Variants in SCMH1 observed in about 807,000 individuals in gnomAD.
SCMH1 encodes Scm polycomb group protein homolog 1, also known as polycomb protein SCMH1.
Under a neutral mutation model 70.8 loss-of-function variants are expected in SCMH1, and 37 were observed. That is an observed-to-expected ratio of 0.52 (90% CI 0.40 to 0.69). SCMH1 has a LOEUF of 0.69. SCMH1 is among the 30% of genes least tolerant of loss of function. The probability of loss-of-function intolerance (pLI) is 0.00; values close to 1 mark genes in which losing one functional copy is unlikely to be tolerated. For missense variants in SCMH1, 607 were observed against 827.3 expected, an observed-to-expected ratio of 0.73 and a Z score of 3.27; for synonymous variants, 292 against 307.4, an observed-to-expected ratio of 0.95 and a Z score of 0.52.
At chr1:41,098,318 A>C (rs1665648149) in intron 8 of SCMH1, among the ~76,000 whole-genome samples, 1 of 152,218 alleles carries the variant, frequency 6.6e-6, no homozygotes, top group Admixed American at 6.5e-5. Context: ...AAACTTGAGA[A>C]AGTGACCTTT....
intron 8 of SCMH1, among the ~76,000 whole-genome samples, chr1:41,092,971 C>T (rs183855481): frequency 1.9e-3 from 294 of 152,296 alleles, no homozygotes; most frequent in Middle Eastern, 3.4e-3. Flanking sequence ...GTGGCGATTC[C>T]TCAAGGATCT....
At chr1:41,236,437 A>G (rs924912092) in intron 1 of SCMH1, among the ~76,000 whole-genome samples, 1 of 152,196 alleles carries the variant, frequency 6.6e-6, no homozygotes, top group Non-Finnish European at 1.5e-5. Context: ...TTAACAATGT[A>G]GGAAACAGGA....
intron 8 of SCMH1, among the ~76,000 whole-genome samples, chr1:41,103,131 A>C (rs1451303987): frequency 6.6e-6 from 1 of 151,368 alleles, no homozygotes; most frequent in Non-Finnish European, 1.5e-5. Flanking sequence ...AAGGGAAGAA[A>C]ATTTTTTTTT....
In SCMH1 at chr1:41,052,528, A is replaced by C. The variant is rs180735208; in HGVS notation, c.1106-3638T>G. On this transcript the variant is annotated intron_variant, in intron 10 of 14. Coordinates refer to ENST00000337495, the Ensembl canonical transcript of SCMH1. ...TGCCAAAAAGGTTGAAGATCGATGT[A>C]CTATGGTATTCACAAAATGAGGATA... is the stretch of plus-strand genomic sequence containing the variant. Among the ~76,000 whole-genome samples the C allele has an allele frequency of 8.5e-4, 130 of 152,340 alleles. 1 individual carries two copies. The highest frequency in any genetic ancestry group is 2.7e-3 in the African/African-American group (113 of 41,580).
exon 15 of SCMH1, chr1:41,028,146 A>C (rs1455568545): frequency 1.7e-5 from 27 of 1,611,158 alleles, no homozygotes; most frequent in Non-Finnish European, 2.3e-5. Flanking sequence ...TTCCTAGAAG[A>C]ATGCCCCCAC....
chr1:41,216,620 G>A (rs184294870), intron 1 of SCMH1, among the ~76,000 whole-genome samples: 1 of 152,304 alleles, frequency 6.6e-6, no homozygotes, highest in East Asian at 1.9e-4. Flanking sequence ...CTGATCTCTT[G>A]AGATAAAGCC....
chr1:41,199,392 A>G (rs1203286467), intron 1 of SCMH1, among the ~76,000 whole-genome samples: 2 of 152,168 alleles, frequency 1.3e-5, no homozygotes, highest in African/African-American at 4.8e-5. Context: ...AAATGAAATC[A>G]TATCATATGT....
At chr1:41,120,690 A>G (rs769270491) in intron 6 of SCMH1, among the ~76,000 whole-genome samples, 3 of 152,168 alleles carry the variant, frequency 2.0e-5, no homozygotes, top group Admixed American at 1.3e-4. Context: ...CATAGATAGT[A>G]GATAATTTTA....
chr1:41,032,851 C>T (rs757541784), intron 13 of SCMH1, among the ~76,000 whole-genome samples: 15 of 151,974 alleles, frequency 9.9e-5, no homozygotes, highest in Non-Finnish European at 1.8e-4. Context: ...TAGTGGCAGG[C>T]ACCTGTAATC....
chr1:41,223,779 C>T (rs2148863896), intron 1 of SCMH1, among the ~76,000 whole-genome samples: 1 of 152,238 alleles, frequency 6.6e-6, no homozygotes, highest in East Asian at 1.9e-4. Context: ...TTGTGAGAAT[C>T]AGATAATAAC....
At chr1:41,046,380 C>T (rs771633421) in intron 12 of SCMH1, 27 bp downstream of exon 12, 1 of 1,605,394 alleles carries the variant, frequency 6.2e-7, no homozygotes, top group South Asian at 1.1e-5. Context: ...CCCCCACTCT[C>T]AGCCCAGGCC....
chr1:41,044,700 T>A (rs569589369), intron 12 of SCMH1, among the ~76,000 whole-genome samples: 6 of 151,924 alleles, frequency 3.9e-5, no homozygotes, highest in Non-Finnish European at 8.8e-5. Flanking sequence ...AATGGCAGAA[T>A]GTGATACCTT....
intron 6 of SCMH1, among the ~76,000 whole-genome samples, chr1:41,130,227 T>C (rs548529099): frequency 3.9e-5 from 6 of 152,206 alleles, no homozygotes; most frequent in Admixed American, 6.6e-5. Flanking sequence ...TTAAATATCA[T>C]AAACCTTGAA....
In SCMH1 at chr1:41,237,972, CT is replaced by C. The variant is rs200443687; in HGVS notation, c.-118+4086del. 6.7e-3 allele frequency among the ~76,000 whole-genome samples: 1,014 copies of C among 152,230 alleles called. 15 individuals are homozygous for C. Among genetic ancestry groups the C allele is most frequent in the African/African-American group, 0.024 (976 of 41,522 alleles). The stretch of plus-strand genomic sequence containing the variant: ...CTTTGTATCTATGAATCACCAATCG[CT>C]TGTGATTTTATGTGGTATGTGTGTA... On this transcript the variant is annotated intron_variant, in intron 1 of 14. Transcript: ENST00000337495.
At chr1:41,131,978 T>C (rs1030245395) in intron 6 of SCMH1, among the ~76,000 whole-genome samples, 2 of 152,240 alleles carry the variant, frequency 1.3e-5, no homozygotes, top group African/African-American at 4.8e-5. Context: ...TCCAATTGTT[T>C]GCTATTGTGA....
intron 10 of SCMH1, 105 bp downstream of exon 10, chr1:41,070,490 C>G: frequency 2.2e-6 from 3 of 1,370,104 alleles, no homozygotes; most frequent in Non-Finnish European, 2.9e-6. Context: ...AATATTTTAC[C>G]TAGGTTTACA....
intron 2 of SCMH1, among the ~76,000 whole-genome samples, chr1:41,165,916 G>A (rs768778998): frequency 6.6e-6 from 1 of 151,692 alleles, no homozygotes; most frequent in Non-Finnish European, 1.5e-5. Flanking sequence ...TGCTTTTATT[G>A]CTTATGCTTT....
chr1:41,058,987 G>A (rs1651606784), intron 10 of SCMH1, among the ~76,000 whole-genome samples: 1 of 152,156 alleles, frequency 6.6e-6, no homozygotes, highest in South Asian at 2.1e-4. Flanking sequence ...CTTGCTTGTG[G>A]GAGACCATCG....
At chr1:41,056,911 TTGAAA>T (rs113091143) in intron 10 of SCMH1, among the ~76,000 whole-genome samples, 16,492 of 152,154 alleles carry the variant, frequency 0.11, 1,266 homozygotes, top group East Asian at 0.28. Flanking sequence ...AGGAACCATT[TTGAAA>T]TATACTAGAG....
Sources: gnomAD v4.1 joint callset for allele counts (sites outside exome capture counted in the v4.1 genomes callset) on GRCh38, gnomAD v4.1.1 for gene constraint, MANE v1.5 for transcripts, NCBI Gene and HGNC (gene_info 2026-07-23, HGNC 2026-07-21) for gene names.